SCARB2: variants seen among roughly 807,000 people sequenced by gnomAD.
The protein encoded by SCARB2 is scavenger receptor class B member 2.
SCARB2 carries 29 observed loss-of-function variants against 58.6 expected under a neutral mutation model. The ratio of observed to expected loss-of-function variants is 0.49; its 90% CI spans 0.37 to 0.67. The LOEUF is 0.67. SCARB2 is among the 30% of genes least tolerant of loss of function. SCARB2 has a pLI of 0.00. For synonymous variants in SCARB2, 195 were observed against 210.1 expected, an observed-to-expected ratio of 0.93 and a Z score of 0.62; for missense variants, 488 against 578.5, an observed-to-expected ratio of 0.84 and a Z score of 1.60.
chr4:76,174,489 A>G, intron 6 of SCARB2, 176 bp from the exon 7 acceptor site: 1 of 633,640 alleles, frequency 1.6e-6, no homozygotes, highest in Non-Finnish European at 2.8e-6. Flanking sequence ...CAGAAGATGA[A>G]TTGTAGTGGA....
In SCARB2 at chr4:76,159,269, G is replaced by A. The variant is rs1041731537; in HGVS notation, c.*2444C>T. 6.6e-6 allele frequency: 1 copy of A among 152,166 alleles called. No individual in the cohort carries two copies. The highest frequency in any genetic ancestry group is 2.4e-5 in the African/African-American group (1 of 41,436). 9.4% of individuals were successfully genotyped at this position (152,166 alleles called of 1,614,324 possible). ...CTTTGGGGGTCTTTCTAAGATAACTGCCGCAAGAAAATGAGCATGAGAAAT... is the reference window on the plus strand; with the variant it reads ...CTTTGGGGGTCTTTCTAAGATAACTACCGCAAGAAAATGAGCATGAGAAAT... On this transcript the variant is annotated 3_prime_UTR_variant, in exon 12 of 12. Coordinates refer to ENST00000264896, the MANE Select transcript of SCARB2 (RefSeq NM_005506.4).
intron 1 of SCARB2, among the ~76,000 whole-genome samples, chr4:76,233,594 A>G (rs991836404): frequency 6.6e-6 from 1 of 152,022 alleles, no homozygotes; most frequent in African/African-American, 2.4e-5. Flanking sequence ...ACGCACACAC[A>G]CACACACACA....
At chr4:76,183,863 C>T (rs944706837) in intron 2 of SCARB2, among the ~76,000 whole-genome samples, 3 of 152,162 alleles carry the variant, frequency 2.0e-5, no homozygotes, top group African/African-American at 2.4e-5. Flanking sequence ...ATCACTTAAG[C>T]GATTCCAAGG....
chr4:76,230,804 T>C (rs1733479791), intron 1 of SCARB2, among the ~76,000 whole-genome samples: 1 of 152,192 alleles, frequency 6.6e-6, no homozygotes, highest in Admixed American at 6.5e-5. Flanking sequence ...ACATATGCCC[T>C]ATCTCCCTTA....
At chr4:76,188,690 T>G (rs1732537589) in intron 2 of SCARB2, among the ~76,000 whole-genome samples, 1 of 152,192 alleles carries the variant, frequency 6.6e-6, no homozygotes, top group Non-Finnish European at 1.5e-5. Flanking sequence ...TTCTGTCTTA[T>G]CCAGCCTAAA....
intron 1 of SCARB2, among the ~76,000 whole-genome samples, chr4:76,208,585 C>T (rs770523791): frequency 6.6e-6 from 1 of 152,102 alleles, no homozygotes; most frequent in Admixed American, 6.5e-5. Context: ...ACAGAGGAAG[C>T]CTGTTGGTGG....
intron 1 of SCARB2, among the ~76,000 whole-genome samples, chr4:76,206,643 A>C (rs1732936512): frequency 6.6e-6 from 1 of 151,730 alleles, no homozygotes; most frequent in Admixed American, 6.6e-5. Flanking sequence ...GGCAGTAAGA[A>C]AAGACACAAA....
At chr4:76,176,003 C>A in intron 5 of SCARB2, 93 bp from the exon 6 acceptor site, 7 of 1,433,404 alleles carry the variant, frequency 4.9e-6, no homozygotes, top group Non-Finnish European at 6.8e-6. Flanking sequence ...TTAACTGGAG[C>A]TGTCTATCCA....
upstream of SCARB2, chr4:76,217,535 G>A (rs936575909): frequency 3.2e-5 from 14 of 438,898 alleles, no homozygotes; most frequent in Non-Finnish European, 1.2e-5. Context: ...CTTCCTCTCT[G>A]CCCATGTGCC....
At chr4:76,212,967 G>A (rs1460204069) in intron 1 of SCARB2, among the ~76,000 whole-genome samples, 2 of 152,204 alleles carry the variant, frequency 1.3e-5, no homozygotes, top group East Asian at 3.9e-4. Flanking sequence ...GCCCAAGAGG[G>A]CAAGAACACA....
chr4:76,219,592 G>A (rs1560726543), intron 1 of SCARB2, among the ~76,000 whole-genome samples: 1 of 152,180 alleles, frequency 6.6e-6, no homozygotes, highest in Non-Finnish European at 1.5e-5. Context: ...AGAAAGCCAG[G>A]TTTACTCAGC....
At chr4:76,187,888 T>C (rs1189323944) in intron 2 of SCARB2, among the ~76,000 whole-genome samples, 1 of 152,128 alleles carries the variant, frequency 6.6e-6, no homozygotes, top group South Asian at 2.1e-4. Flanking sequence ...ATTATATATG[T>C]TGATTATATT....
At chr4:76,202,108 A>G (rs1476177404) in intron 1 of SCARB2, among the ~76,000 whole-genome samples, 1 of 152,252 alleles carries the variant, frequency 6.6e-6, no homozygotes, top group African/African-American at 2.4e-5. Flanking sequence ...ATGATAAATT[A>G]TCAATCTACA....
Position 76,163,310 on chromosome 4 carries a change from A to G in SCARB2, c.1313T>C (p.Ile438Thr), listed in dbSNP as rs760592804. 24 of 1,614,038 alleles carry G rather than the reference A, an allele frequency of 1.5e-5. No homozygotes were observed. Among genetic ancestry groups the G allele is most frequent in the African/African-American group, 2.7e-5 (2 of 74,930 alleles). Residue 438 changes from isoleucine (I) to threonine (T), a missense_variant, in exon 11 of 12, where the codon ATA becomes ACA. Transcript: ENST00000264896. ...MINTTLIITN[I>T]PYIIMALGVF... ...ACCCAGCGCCATGATGATGTAGGGT[A>G]TGTTGGTGATGATCAAAGTAGTGTT...
chr4:76,220,663 C>T (rs1733291897), intron 1 of SCARB2, among the ~76,000 whole-genome samples: 1 of 152,188 alleles, frequency 6.6e-6, no homozygotes, highest in South Asian at 2.1e-4. Context: ...TACTACAGTG[C>T]AGACTTCTTT....
chr4:76,224,722 C>A (rs1231522041), intron 1 of SCARB2, among the ~76,000 whole-genome samples: 2 of 151,946 alleles, frequency 1.3e-5, no homozygotes, highest in Non-Finnish European at 2.9e-5. Context: ...GCCACTAGGC[C>A]CAGCTAATTT....
rs772593602 is a variant in SCARB2, at chr4:76,174,316, G to A, written c.825-3C>T. On this transcript the variant is annotated splice_region_variant and splice_polypyrimidine_tract_variant and intron_variant, in intron 6 of 11. Coordinates refer to ENST00000264896, the MANE Select transcript of SCARB2 (RefSeq NM_005506.4). ...CACTGAAAGTAATATACACTGACCT[G>A]TTAGGATGTAAGAATAAAAAGTGAA... The A allele has an allele frequency of 1.7e-5, 27 of 1,613,762 alleles. No individual in the cohort carries two copies. The highest frequency in any genetic ancestry group is 2.1e-5 in the Non-Finnish European group (25 of 1,179,818).
At chr4:76,209,856 T>C (rs1733004226) in intron 1 of SCARB2, among the ~76,000 whole-genome samples, 2 of 152,176 alleles carry the variant, frequency 1.3e-5, no homozygotes, top group African/African-American at 4.8e-5. Flanking sequence ...AAGTCAAAGG[T>C]GTAAACAGTC....
intron 1 of SCARB2, among the ~76,000 whole-genome samples, chr4:76,228,134 T>C (rs1733430446): frequency 6.6e-6 from 1 of 152,116 alleles, no homozygotes; most frequent in African/African-American, 2.4e-5. Context: ...CTGCAAGATT[T>C]ATGCTCTAAG....
Sources: allele counts gnomAD v4.1 joint callset (sites outside exome capture counted in the v4.1 genomes callset), GRCh38; gene constraint gnomAD v4.1.1; transcripts MANE v1.5; gene names NCBI Gene and HGNC (gene_info 2026-07-23, HGNC 2026-07-21).